The following TOLLIP variants were observed in gnomAD, a reference collection of about 807,000 sequenced individuals.
TOLLIP encodes toll-interacting protein.
Under a neutral mutation model 33.5 loss-of-function variants are expected in TOLLIP, and 16 were observed. The ratio of observed to expected loss-of-function variants is 0.48; its 90% CI spans 0.32 to 0.72. The LOEUF (loss-of-function observed/expected upper bound fraction) is 0.72. Ranked by LOEUF, TOLLIP falls within the 30% of genes least tolerant of loss-of-function variation. TOLLIP has a pLI of 0.03. For synonymous variants in TOLLIP, 176 were observed against 163.7 expected (o/e 1.07, Z -0.57); for missense variants, 325 against 396.6 (o/e 0.82, Z 1.53).
At position 1,288,689 on chromosome 11, in the gene TOLLIP, A is replaced by T. The variant is rs1204738232; in HGVS notation, c.454T>A (p.Tyr152Asn). ...LRQGKVEDKW[Y>N]SLSGRQGDDK... The stretch of plus-strand genomic sequence containing the variant: ...TCCCCCTGCCTCCCGCTCAGGCTGT[A>T]CCACTTGTCCTCCACCTTGCCCTGC... Residue 152 changes from tyrosine to asparagine, a missense_variant, in exon 4 of 6, where the codon TAC becomes AAC. Tyr to Asn is a moderately radical substitution (Grantham distance 143, BLOSUM62 -2). Coordinates refer to ENST00000317204, the MANE Select transcript of TOLLIP (RefSeq NM_019009.4). 1 of 1,612,718 alleles carries T rather than the reference A, an allele frequency of 6.2e-7. No homozygotes were observed. The highest frequency in any genetic ancestry group is 1.3e-5 in the African/African-American group (1 of 74,914).
intron 1 of TOLLIP, among the ~76,000 whole-genome samples, chr11:1,299,624 T>C (rs1346938149): frequency 1.3e-5 from 2 of 152,182 alleles, no homozygotes; most frequent in Admixed American, 6.5e-5. Flanking sequence ...AAAACAAAAA[T>C]GATTACTCCC....
chr11:1,288,709 C>T lies in TOLLIP; in HGVS notation c.434G>A (p.Gly145Asp). Reference protein sequence around the residue: ...HITIPESLRQGKVEDKWYSLS... With the variant: ...HITIPESLRQDKVEDKWYSLS... ...GCTGTACCACTTGTCCTCCACCTTG[C>T]CCTGCCTCAGGGACTCCGGGATGGT... The change falls in exon 4 of 6, where the codon GGC becomes GAC. Residue 145 changes from glycine to aspartate, a missense_variant. Transcript: ENST00000317204. 1 of 1,612,990 alleles carries T rather than the reference C, an allele frequency of 6.2e-7. No individual in the cohort carries two copies. Among genetic ancestry groups the T allele is most frequent in the Non-Finnish European group, 8.5e-7 (1 of 1,179,888 alleles).
intron 4 of TOLLIP, 69 bp from the exon 5 acceptor site, chr11:1,286,161 C>A (rs1863686398): frequency 5.5e-6 from 7 of 1,278,334 alleles, no homozygotes; most frequent in Non-Finnish European, 7.7e-6. Context: ...CGGGAATCGC[C>A]CTCCCCACAA....
intron 1 of TOLLIP, among the ~76,000 whole-genome samples, chr11:1,297,247 C>A (rs1164588002): frequency 6.6e-6 from 1 of 152,174 alleles, no homozygotes; most frequent in Non-Finnish European, 1.5e-5. Context: ...CCCAATGACA[C>A]GGTGCCAGGC....
chr11:1,305,166 A>G (rs1239688689), intron 1 of TOLLIP, among the ~76,000 whole-genome samples: 1 of 152,246 alleles, frequency 6.6e-6, no homozygotes, highest in Non-Finnish European at 1.5e-5. Context: ...TGTGATTTCC[A>G]GGCAAGCACA....
intron 5 of TOLLIP, among the ~76,000 whole-genome samples, chr11:1,284,079 ACTCT>A (rs1863598042): frequency 2.6e-5 from 4 of 152,078 alleles, no homozygotes; most frequent in African/African-American, 9.7e-5. Context: ...TCCAGGAGCC[ACTCT>A]GGGGGGCAGC....
In TOLLIP at chr11:1,276,554, A is replaced by G. The variant is rs940802943; in HGVS notation, c.*485T>C. ...CCTGGGCAGGGGCCAGGCTCACAGC[A>G]AAGCGCGTTAGGGCAAGGGCGTGAG... On this transcript the variant is annotated 3_prime_UTR_variant, in exon 6 of 6. Transcript: ENST00000317204. 1 of 782,382 alleles carries G rather than the reference A, an allele frequency of 1.3e-6. No individual in the cohort carries two copies. Among genetic ancestry groups the G allele is most frequent in the African/African-American group, 1.8e-5 (1 of 55,062 alleles). The allele number at this position is 782,382 out of a possible 1,614,324, so 48.5% of individuals were successfully genotyped here. A position where few individuals can be genotyped will look rare whatever the true frequency, so the allele number is the denominator to read the frequency against.
At position 1,277,665 on chromosome 11, in the gene TOLLIP, C is replaced by T. The variant is rs149855698; in HGVS notation, c.611-412G>A. ...TCACAGAGTCCTCTGCATCTGGGGA[C>T]GGACTACACGGAATGTCACGCCCGC... On this transcript the variant is annotated intron_variant, in intron 5 of 5. Transcript: ENST00000317204. This position sits in a 1 kb window ranked among gnomAD's most constrained non-coding sequence, Gnocchi z 4.2. 3.3e-5 allele frequency among the ~76,000 whole-genome samples: 5 copies of T among 152,300 alleles called. No individual in the cohort carries two copies. The highest frequency in any genetic ancestry group is 1.9e-4 in the East Asian group (1 of 5,184).
chr11:1,284,318 G>C (rs745892746), intron 5 of TOLLIP, among the ~76,000 whole-genome samples: 1 of 151,770 alleles, frequency 6.6e-6, no homozygotes, highest in African/African-American at 2.4e-5. Context: ...CCTCGGTGAC[G>C]GGGTGCAGGT....
chr11:1,301,496 C>T (rs1280588384), intron 1 of TOLLIP, among the ~76,000 whole-genome samples: 1 of 145,718 alleles, frequency 6.9e-6, no homozygotes, highest in Admixed American at 7.1e-5. Flanking sequence ...ACCCAGAAAA[C>T]CCAGGGACAA....
chr11:1,308,433 G>A (rs1864476882), intron 1 of TOLLIP, among the ~76,000 whole-genome samples: 2 of 152,208 alleles, frequency 1.3e-5, no homozygotes, highest in Non-Finnish European at 2.9e-5. Flanking sequence ...CATGCTACCT[G>A]TACAGCCTGC....
Position 1,297,391 on chromosome 11 carries a change from C to T in TOLLIP, c.34-1597G>A, listed in dbSNP as rs369996833. Among the ~76,000 whole-genome samples the T allele has an allele frequency of 5.9e-5, 9 of 152,252 alleles. No homozygotes were observed. The East Asian group carries it at 7.7e-4, about 13-fold the overall frequency. On this transcript the variant is annotated intron_variant, in intron 1 of 5. Coordinates refer to ENST00000317204, the MANE Select transcript of TOLLIP (RefSeq NM_019009.4). ...GGCCTGGAGCGCACAAGCCAGTCAGCGCTCCACAACCAATGTGAGTAAACA... is the reference window on the plus strand; with the variant it reads ...GGCCTGGAGCGCACAAGCCAGTCAGTGCTCCACAACCAATGTGAGTAAACA...
At chr11:1,302,332 T>C (rs1365934037) in intron 1 of TOLLIP, among the ~76,000 whole-genome samples, 1 of 152,196 alleles carries the variant, frequency 6.6e-6, no homozygotes, top group African/African-American at 2.4e-5. Flanking sequence ...GACCCCTCAG[T>C]GCGCAGGGTT....
chr11:1,304,125 C>T (rs944579003), intron 1 of TOLLIP, among the ~76,000 whole-genome samples: 3 of 150,940 alleles, frequency 2.0e-5, no homozygotes, highest in African/African-American at 7.3e-5. Context: ...GGGCCAAAAA[C>T]GAAGGAAAGC....
rs983159049 is a variant in TOLLIP at position 1,279,533 on chromosome 11, G to A, written c.611-2280C>T. On this transcript the variant is annotated intron_variant, in intron 5 of 5. Transcript: ENST00000317204. ...AGAGAGGACGCCATGGGAGCCCGGG[G>A]CAGCCCAGAGCCCACCTGTAGCGGC... is the stretch of plus-strand genomic sequence containing the variant. Among the ~76,000 whole-genome samples the A allele has an allele frequency of 2.6e-5, 4 of 152,190 alleles. No individual in the cohort carries two copies. The East Asian group carries it at 7.7e-4, about 29-fold the overall frequency.
At chr11:1,299,901 G>A (rs373785313) in intron 1 of TOLLIP, among the ~76,000 whole-genome samples, 43 of 152,312 alleles carry the variant, frequency 2.8e-4, no homozygotes, top group Middle Eastern at 6.8e-3. Flanking sequence ...TCCCTGCCGC[G>A]AACACATGGA....
chr11:1,287,187 G>A (rs943198909), intron 4 of TOLLIP, among the ~76,000 whole-genome samples: 13 of 152,208 alleles, frequency 8.5e-5, no homozygotes, highest in East Asian at 1.9e-4. Flanking sequence ...CACCACTGTC[G>A]TCTCTGAGTT....
intron 5 of TOLLIP, chr11:1,283,353 G>C (rs1432116499): frequency 2.9e-6 from 1 of 347,728 alleles, no homozygotes; most frequent in Non-Finnish European, 5.6e-6. Context: ...ACCCCGGCCT[G>C]GATGCTGCGG....
At chr11:1,280,898 G>C (rs1326161007) in intron 5 of TOLLIP, among the ~76,000 whole-genome samples, 1 of 152,220 alleles carries the variant, frequency 6.6e-6, no homozygotes, top group Non-Finnish European at 1.5e-5. Context: ...GGACAGTGCA[G>C]GCAGGGCTGA....
Sources: allele counts gnomAD v4.1 joint callset (sites outside exome capture counted in the v4.1 genomes callset), GRCh38; gene constraint gnomAD v4.1.1; non-coding constraint Gnocchi (gnomAD v3.1); transcripts MANE v1.5; gene names NCBI Gene and HGNC (gene_info 2026-07-23, HGNC 2026-07-21).